Variants in AKAP9 observed in about 807,000 individuals in gnomAD.
The protein encoded by AKAP9 is A-kinase anchoring protein 9, also known as A-kinase anchor protein 9.
Under a neutral mutation model 488.5 loss-of-function variants are expected in AKAP9, and 311 were observed. That is an observed-to-expected ratio of 0.64 (90% CI 0.58 to 0.70). The LOEUF (loss-of-function observed/expected upper bound fraction) is 0.70. AKAP9 is among the 30% of genes least tolerant of loss of function. AKAP9 has a pLI of 0.00. For synonymous variants in AKAP9, 1,462 were observed against 1,483.5 expected (o/e 0.99, Z 0.33); for missense variants, 4,215 against 4,374.5 (o/e 0.96, Z 1.03).
chr7:91,941,392 G>C (rs1403189297), intron 1 of AKAP9, among the ~76,000 whole-genome samples: 1 of 152,212 alleles, frequency 6.6e-6, no homozygotes, highest in Non-Finnish European at 1.5e-5. Flanking sequence ...CCTTTCTCGT[G>C]AATGTCCAAA....
At chr7:91,961,870 A>C (rs886762129) in intron 1 of AKAP9, among the ~76,000 whole-genome samples, 6 of 152,100 alleles carry the variant, frequency 3.9e-5, no homozygotes, top group Non-Finnish European at 8.8e-5. Flanking sequence ...GAGTTTAAGG[A>C]ATAAGTTATT....
chr7:92,004,502 G>A (rs1001423426), intron 8 of AKAP9, among the ~76,000 whole-genome samples: 3 of 152,206 alleles, frequency 2.0e-5, no homozygotes, highest in Admixed American at 6.5e-5. Flanking sequence ...TTGAGCAGTC[G>A]TTTGTAGTTC....
intron 1 of AKAP9, among the ~76,000 whole-genome samples, chr7:91,959,705 C>T (rs1001834685): frequency 1.1e-4 from 16 of 152,060 alleles, no homozygotes; most frequent in Non-Finnish European, 1.3e-4. Context: ...TTAGACATGA[C>T]GGTGGTCCAA....
At position 92,065,326 on chromosome 7, in the gene AKAP9, G is replaced by T; in HGVS notation, c.6073G>T (p.Ala2025Ser). The change falls in exon 25 of 50, where the codon GCT (alanine) becomes TCT (serine). Residue 2025 changes from alanine to serine, a missense_variant. Ala to Ser is a moderately conservative substitution (Grantham distance 99). Transcript: ENST00000356239. ...VRDDLQKQVK[A>S]LEIDVEEQVS... Reference sequence around the variant, plus strand: ...TGATGACCTTCAAAAACAAGTGAAAGCTCTAGAAATAGATGTGGAAGAACA... The same window carrying T: ...TGATGACCTTCAAAAACAAGTGAAATCTCTAGAAATAGATGTGGAAGAACA... 1.2e-6 allele frequency: 2 copies of T among 1,613,144 alleles called. No individual in the cohort carries two copies. The highest frequency in any genetic ancestry group is 2.7e-5 in the African/African-American group (2 of 74,982).
At chr7:92,103,652 G>A (rs1373568064) in intron 46 of AKAP9, among the ~76,000 whole-genome samples, 7 of 148,678 alleles carry the variant, frequency 4.7e-5, no homozygotes, top group Non-Finnish European at 1.0e-4. Context: ...CTGAGATCGC[G>A]CCACTGCACT....
intron 39 of AKAP9, 60 bp from the exon 40 acceptor site, chr7:92,094,963 C>T: frequency 6.5e-7 from 1 of 1,528,914 alleles, no homozygotes; most frequent in Middle Eastern, 1.9e-4. Context: ...GTTTTTCTCT[C>T]TCTCATTATA....
At chr7:92,059,150 A>G (rs1234442158) in intron 22 of AKAP9, among the ~76,000 whole-genome samples, 1 of 151,962 alleles carries the variant, frequency 6.6e-6, no homozygotes, top group Admixed American at 6.6e-5. Context: ...CTCTTCTGCA[A>G]CTTTTATATT....
At chr7:92,048,677 C>T (rs1255563819) in intron 21 of AKAP9, among the ~76,000 whole-genome samples, 2 of 152,124 alleles carry the variant, frequency 1.3e-5, no homozygotes, top group African/African-American at 2.4e-5. Context: ...GAGGCCAAGG[C>T]GGGCAGATCA....
chr7:92,031,633 T>C, intron 16 of AKAP9, 29 bp downstream of exon 16: 1 of 1,504,186 alleles, frequency 6.6e-7, no homozygotes. Context: ...TGGAAGATTA[T>C]CTTGGTTTAT....
At chr7:91,960,022 AGTT>A (rs1220901357) in intron 1 of AKAP9, among the ~76,000 whole-genome samples, 2 of 152,214 alleles carry the variant, frequency 1.3e-5, no homozygotes, top group Admixed American at 1.3e-4. Flanking sequence ...GTTTTGTTGT[AGTT>A]GTTTGTATTA....
chr7:92,067,435 C>A (rs1452623103), intron 26 of AKAP9, among the ~76,000 whole-genome samples: 2 of 142,608 alleles, frequency 1.4e-5, no homozygotes, highest in African/African-American at 5.4e-5. Flanking sequence ...TTGCTGAGAA[C>A]TAGAATCAGC....
At position 92,102,777 on chromosome 7, in the gene AKAP9, G is replaced by A. The variant is rs768700095; in HGVS notation, c.11281G>A (p.Gly3761Ser). The A allele has an allele frequency of 6.2e-7, 1 of 1,614,142 alleles. No homozygotes were observed. Among genetic ancestry groups the A allele is most frequent in the South Asian group, 1.1e-5 (1 of 91,078 alleles). ...AGAGGTGATCACCAATCGCCCAAAG[G>A]GCTTCACCAGGTTTCGGTCGGCCGT... ...DLEVITNRPK[G>S]FTRFRSAVRV... is the part of the protein sequence containing the mutation. Residue 3761 changes from glycine (G) to serine (S), a missense_variant, in exon 46 of 50, where the codon GGC becomes AGC. Physicochemically the swap from Gly to Ser is moderately conservative, Grantham distance 56. Transcript: ENST00000356239.
At chr7:91,987,907 C>T (rs1050007440) in intron 3 of AKAP9, among the ~76,000 whole-genome samples, 1 of 152,062 alleles carries the variant, frequency 6.6e-6, no homozygotes, top group African/African-American at 2.4e-5. Flanking sequence ...CATAGTAGCT[C>T]ACACCTGTAA....
rs1314047305 is a variant in AKAP9, at chr7:92,045,010, A to G, written c.5165A>G (p.Tyr1722Cys). Residue 1722 changes from tyrosine (Y) to cysteine (C), a missense_variant and splice_region_variant, in exon 21 of 50, where the codon TAT becomes TGT. By Grantham distance (194) the Tyr-to-Cys change is radical (BLOSUM62 -2). Coordinates refer to ENST00000356239, the MANE Select transcript of AKAP9 (RefSeq NM_005751.5). ...TCAGTGCTTCTTTATCTATACAGGT[A>G]TGCACTCCAGAAAGCTAATAATAGA... Reference protein sequence around the residue: ...VPPEILSNERYALQKANNRLL... With the variant: ...VPPEILSNERCALQKANNRLL... 1.9e-6 allele frequency: 3 copies of G among 1,604,908 alleles called. No individual in the cohort carries two copies. The highest frequency in any genetic ancestry group is 4.5e-5 in the East Asian group (2 of 44,826).
rs2130883870 is a variant in AKAP9, at chr7:92,089,519, A to G, written c.9348A>G (p.Lys3116=). 1 of 1,613,384 alleles carries G rather than the reference A, an allele frequency of 6.2e-7. No individual in the cohort carries two copies. The part of the protein sequence containing the change: ...ITLKREQESE[K]PSQELLEYNI... The stretch of plus-strand genomic sequence containing the variant: ...TGAAAAGAGAACAAGAGAGTGAGAA[A>G]CCAAGCCAAGGTATGTTGTATGACA... The change falls in exon 38 of 50, where the codon AAA becomes AAG. Residue 3116 remains lysine, a synonymous_variant. Transcript: ENST00000356239.
At chr7:92,020,374 T>G (rs936709442) in intron 12 of AKAP9, among the ~76,000 whole-genome samples, 1 of 152,198 alleles carries the variant, frequency 6.6e-6, no homozygotes, top group African/African-American at 2.4e-5. Context: ...TTGTTCCTGC[T>G]TGTTCCAGTT....
At chr7:92,062,545 G>C in intron 24 of AKAP9, 59 bp downstream of exon 24, 2 of 1,445,254 alleles carry the variant, frequency 1.4e-6, no homozygotes, top group Non-Finnish European at 1.9e-6. Flanking sequence ...ATTCTTCAAA[G>C]GCTTAAGGTG....
At chr7:92,096,480 A>G (rs1176887044) in intron 40 of AKAP9, among the ~76,000 whole-genome samples, 1 of 151,978 alleles carries the variant, frequency 6.6e-6, no homozygotes, top group Non-Finnish European at 1.5e-5. Context: ...GACTACAGGC[A>G]CGTGCCATTG....
chr7:92,014,131 TAAA>T, intron 9 of AKAP9, 115 bp from the exon 10 acceptor site: 1 of 737,748 alleles, frequency 1.4e-6, no homozygotes, highest in African/African-American at 1.8e-5. Flanking sequence ...CTCAAAGAAA[TAAA>T]GAATTTAAAA....
Sources: allele counts gnomAD v4.1 joint callset (sites outside exome capture counted in the v4.1 genomes callset), GRCh38; gene constraint gnomAD v4.1.1; transcripts MANE v1.5; gene names NCBI Gene and HGNC (gene_info 2026-07-23, HGNC 2026-07-21).